Variants in SART3 observed in about 807,000 individuals in gnomAD.
The protein encoded by SART3 is HIV-1 Tat-interacting protein of 110kDa.
Under a neutral mutation model 122.3 loss-of-function variants are expected in SART3, and 44 were observed. The observed-to-expected ratio is 0.36, with a 90% confidence interval of 0.28 to 0.46. The LOEUF (loss-of-function observed/expected upper bound fraction) is 0.46, where lower values mean the gene tolerates loss of function less well. Among genes scored for constraint, SART3 ranks in the 20% least tolerant of loss-of-function variants. The probability of loss-of-function intolerance (pLI) is 1.00; values close to 1 mark genes in which losing one functional copy is unlikely to be tolerated. For synonymous variants in SART3, 442 were observed against 454.0 expected (o/e 0.97, Z 0.34); for missense variants, 1,101 against 1,229.0 (o/e 0.90, Z 1.56).
At position 108,524,306 on chromosome 12, in the gene SART3, A is replaced by C; in HGVS notation, c.2714+10T>G. ...CGAAGTTTGCACTAGTCTACCATGCAAGCACTTACGCTCCGTATGTCTGCG... is the reference window on the plus strand; with the variant it reads ...CGAAGTTTGCACTAGTCTACCATGCCAGCACTTACGCTCCGTATGTCTGCG... On this transcript the variant is annotated intron_variant, in intron 18 of 18. Coordinates refer to ENST00000546815, the MANE Select transcript of SART3 (RefSeq NM_014706.4). 1 of 1,611,766 alleles carries C rather than the reference A, an allele frequency of 6.2e-7. No homozygotes were observed. The highest frequency in any genetic ancestry group is 8.5e-7 in the Non-Finnish European group (1 of 1,178,680).
intron 3 of SART3, 139 bp from the exon 4 acceptor site, chr12:108,545,462 A>G: frequency 1.3e-6 from 1 of 766,440 alleles, no homozygotes; most frequent in Non-Finnish European, 2.3e-6. Flanking sequence ...AACAGCAGAG[A>G]TGACCATAAA....
intron 12 of SART3, among the ~76,000 whole-genome samples, chr12:108,533,956 A>T (rs941610186): frequency 1.3e-5 from 2 of 152,226 alleles, no homozygotes; most frequent in African/African-American, 4.8e-5. Context: ...AAATGCTTCT[A>T]AAATACCTTT....
At chr12:108,544,142 C>A (rs1414269910) in intron 5 of SART3, among the ~76,000 whole-genome samples, 1 of 152,214 alleles carries the variant, frequency 6.6e-6, no homozygotes, top group Non-Finnish European at 1.5e-5. Flanking sequence ...TTCAGAGACC[C>A]TATCTCTGCC....
At chr12:108,556,994 G>T (rs1256292444) in intron 1 of SART3, among the ~76,000 whole-genome samples, 1 of 152,124 alleles carries the variant, frequency 6.6e-6, no homozygotes, top group Non-Finnish European at 1.5e-5. Flanking sequence ...AAGTCAAGAA[G>T]CTGACTTTTA....
intron 1 of SART3, among the ~76,000 whole-genome samples, chr12:108,557,218 T>TG (rs2030265604): frequency 1.4e-5 from 2 of 144,432 alleles, no homozygotes; most frequent in Non-Finnish European, 1.5e-5. Context: ...TTTTTTTTTT[T>TG]TTTTTTTTTT....
chr12:108,536,475 A>AG (rs759296291), intron 11 of SART3, 39 bp downstream of exon 11: 19 of 1,595,638 alleles, frequency 1.2e-5, no homozygotes, highest in Non-Finnish European at 1.5e-5. Context: ...CTATTAAACA[A>AG]TGATGGATGA....
intron 1 of SART3, among the ~76,000 whole-genome samples, chr12:108,558,721 A>G (rs896016891): frequency 2.0e-5 from 3 of 152,184 alleles, no homozygotes; most frequent in African/African-American, 7.2e-5. Flanking sequence ...AGACTAAATT[A>G]GCTTCAGCAC....
intron 17 of SART3, 46 bp downstream of exon 17, chr12:108,525,411 T>C (rs1462410394): frequency 6.2e-7 from 1 of 1,611,634 alleles, no homozygotes. Flanking sequence ...AGAAACGAAG[T>C]TTGCCCAAGC....
rs145773406 is a variant in SART3, at chr12:108,552,387, G to T, written c.313-3173C>A. On this transcript the variant is annotated intron_variant, in intron 1 of 18. Coordinates refer to ENST00000546815, the MANE Select transcript of SART3 (RefSeq NM_014706.4). ...AGCCTGTTCAATAAGACAAGGAAAA[G>T]AAATAAAAGCTATACAGCTCGGAAA... is the stretch of plus-strand genomic sequence containing the variant. Among the ~76,000 whole-genome samples the T allele has an allele frequency of 4.0e-3, 599 of 150,092 alleles. 2 individuals are homozygous for T. Among genetic ancestry groups the T allele is most frequent in the Non-Finnish European group, 6.9e-3 (465 of 67,532 alleles).
chr12:108,540,627 G>A (rs1327110847), intron 6 of SART3, among the ~76,000 whole-genome samples: 3 of 127,658 alleles, frequency 2.4e-5, no homozygotes, highest in Non-Finnish European at 3.3e-5. Flanking sequence ...TAAATCCGAT[G>A]GAAGCATTGA....
At chr12:108,547,863 C>CA (rs761953294) in intron 3 of SART3, 24 bp downstream of exon 3, 52 of 1,575,264 alleles carry the variant, frequency 3.3e-5, no homozygotes, top group Non-Finnish European at 4.4e-5. Context: ...GCCAGATATC[C>CA]AAAAAAAGTC....
At chr12:108,535,494 G>T in intron 11 of SART3, 26 bp from the exon 12 acceptor site, 1 of 1,589,638 alleles carries the variant, frequency 6.3e-7, no homozygotes, top group Non-Finnish European at 8.6e-7. Context: ...AGGCTGTTAG[G>T]AGACCTGAAC....
rs573870493 is a variant in SART3 at position 108,535,719 on chromosome 12, G to C, written c.1447-251C>G. On this transcript the variant is annotated intron_variant, in intron 11 of 18. Transcript: ENST00000546815. Reference sequence around the variant, plus strand: ...GAGAGGGAGCGCACGGTACTTACTCGACAGTACTAGATAGTCACGTTTTTT... The same window carrying C: ...GAGAGGGAGCGCACGGTACTTACTCCACAGTACTAGATAGTCACGTTTTTT... The C allele has an allele frequency of 2.0e-5, 10 of 492,806 alleles. No homozygotes were observed. The East Asian group carries it at 3.9e-4, about 19-fold the overall frequency. The allele number at this position is 492,806 out of a possible 1,614,324, so 30.5% of individuals were successfully genotyped here. A position where few individuals can be genotyped will look rare whatever the true frequency, so the allele number is the denominator to read the frequency against.
chr12:108,540,946 G>A (rs78523538), intron 6 of SART3, among the ~76,000 whole-genome samples: 2,632 of 152,292 alleles, frequency 0.017, 83 homozygotes, highest in African/African-American at 0.06. Flanking sequence ...ATCCCAGGTG[G>A]ATGAGGGCCT....
In SART3 at chr12:108,524,506, C is replaced by T; in HGVS notation, c.2524G>A (p.Gly842Ser). 1.2e-6 allele frequency: 2 copies of T among 1,614,136 alleles called. No homozygotes were observed. The highest frequency in any genetic ancestry group is 1.7e-6 in the Non-Finnish European group (2 of 1,180,004). Residue 842 changes from glycine to serine, a missense_variant and splice_region_variant, in exon 18 of 19, where the codon GGC becomes AGC. This residue lies in a region of SART3 where 885 missense variants were observed against 1,080.1 expected (regional missense o/e 0.82). Transcript: ENST00000546815. ...TTTTCATACTCCACGTAGGCCAGGC[C>T]CTGGAAGAGGCAAGATCCAGAACCA... ...LVTNRAGKPK[G>S]LAYVEYENES...
At chr12:108,558,322 G>A (rs967567602) in intron 1 of SART3, among the ~76,000 whole-genome samples, 1 of 152,208 alleles carries the variant, frequency 6.6e-6, no homozygotes, top group Non-Finnish European at 1.5e-5. Context: ...GGATGAGGTG[G>A]GTGGGAGGCT....
chr12:108,534,497 G>A (rs1872816069), intron 12 of SART3, among the ~76,000 whole-genome samples: 1 of 150,646 alleles, frequency 6.6e-6, no homozygotes, highest in Admixed American at 6.6e-5. Context: ...TGGTGAAACT[G>A]TGCCTCTTCT....
intron 4 of SART3, 186 bp downstream of exon 4, chr12:108,544,953 T>A: frequency 1.4e-6 from 1 of 704,810 alleles, no homozygotes; most frequent in Non-Finnish European, 2.5e-6. Flanking sequence ...ATACATATTG[T>A]ACCAAATGCT....
At chr12:108,545,509 A>G (rs140476288) in intron 3 of SART3, among the ~76,000 whole-genome samples, 186 bp from the exon 4 acceptor site, 10 of 152,292 alleles carry the variant, frequency 6.6e-5, no homozygotes, top group African/African-American at 2.4e-4. Flanking sequence ...AAGACCATAG[A>G]TCCTCAGAAA....
Sources: allele counts gnomAD v4.1 joint callset (sites outside exome capture counted in the v4.1 genomes callset), GRCh38; gene constraint gnomAD v4.1.1; regional missense constraint gnomAD v4.1.1; transcripts MANE v1.5; gene names NCBI Gene and HGNC (gene_info 2026-07-23, HGNC 2026-07-21).